Variants in ARHGEF3 observed in about 807,000 individuals in gnomAD.
ARHGEF3 encodes the protein Rho guanine nucleotide exchange factor 3.
Under a neutral mutation model 63.2 loss-of-function variants are expected in ARHGEF3, and 28 were observed. The ratio of observed to expected loss-of-function variants is 0.44; its 90% confidence interval spans 0.33 to 0.61. The LOEUF (loss-of-function observed/expected upper bound fraction) is 0.61, where lower values mean the gene tolerates loss of function less well. ARHGEF3 is among the 20% of genes least tolerant of loss of function. The pLI, the probability that ARHGEF3 is intolerant of heterozygous loss-of-function variation, is 0.03. For synonymous variants in ARHGEF3, 266 were observed against 254.2 expected (o/e 1.05, Z -0.44); for missense variants, 533 against 659.3 (o/e 0.81, Z 2.10).
intron 2 of ARHGEF3, among the ~76,000 whole-genome samples, chr3:56,980,447 C>T (rs1701283036): frequency 6.6e-6 from 1 of 152,194 alleles, no homozygotes; most frequent in African/African-American, 2.4e-5. Context: ...ATACGTGTCA[C>T]TCTCACACCA....
chr3:56,877,535 C>T (rs910645761), intron 4 of ARHGEF3, among the ~76,000 whole-genome samples: 2 of 151,998 alleles, frequency 1.3e-5, no homozygotes, highest in Non-Finnish European at 2.9e-5. Flanking sequence ...CCATACCTGG[C>T]TAATTTTTTA....
At chr3:56,893,408 G>C (rs2041188111) in intron 3 of ARHGEF3, among the ~76,000 whole-genome samples, 1 of 152,068 alleles carries the variant, frequency 6.6e-6, no homozygotes. Context: ...TGAACTCTTG[G>C]GCTCAAGTGA....
Position 56,775,288 on chromosome 3 carries a change from G to A in ARHGEF3, c.97-1472C>T, listed in dbSNP as rs190775305. 17 of 1,232,202 alleles carry A rather than the reference G, an allele frequency of 1.4e-5. No individual in the cohort carries two copies. In the Admixed American group the frequency reaches 6.7e-4, roughly 49 times the overall value. 76.3% of individuals were successfully genotyped at this position (1,232,202 alleles called of 1,614,324 possible). ...TGGAATCCTGCTGAGACACTCTCAT[G>A]TCATTTTATGCCCCTGCCAGTCTCA... On this transcript the variant is annotated intron_variant, in intron 1 of 9. Transcript: ENST00000296315.
In ARHGEF3 at chr3:56,745,415, G is replaced by A. The variant is rs34185780; in HGVS notation, c.660C>T (p.Ala220=). Reference sequence around the variant, plus strand: ...TTTTGTGGTCCAGCAGAGCTTTGGCGGCTACTTGATTGCTGCAGTAGCTAT... The same window carrying A: ...TTTTGTGGTCCAGCAGAGCTTTGGCAGCTACTTGATTGCTGCAGTAGCTAT... The part of the protein sequence containing the change: ...SYDSYCSNQV[A]AKALLDHKKQ... Residue 220 remains alanine (A), a synonymous_variant, in exon 7 of 10, where the codon GCC becomes GCT. Coordinates refer to ENST00000296315, the MANE Select transcript of ARHGEF3 (RefSeq NM_019555.3). 324 of 1,613,988 alleles carry A rather than the reference G, an allele frequency of 2.0e-4. 1 individual carries two copies. The African/African-American group carries it at 3.3e-3, about 17-fold the overall frequency.
intron 1 of ARHGEF3, among the ~76,000 whole-genome samples, chr3:57,068,753 C>A (rs116082788): frequency 6.6e-6 from 1 of 152,134 alleles, no homozygotes; most frequent in Non-Finnish European, 1.5e-5. Context: ...AACTGTGTAA[C>A]GTGCTTCCTT....
chr3:56,772,903 AC>A (rs1392168610), intron 2 of ARHGEF3, among the ~76,000 whole-genome samples: 1 of 152,164 alleles, frequency 6.6e-6, no homozygotes, highest in Non-Finnish European at 1.5e-5. Context: ...TATGGAAAAA[AC>A]ATTTTTTTAA....
chr3:56,772,898 A>T (rs1443083703), intron 2 of ARHGEF3, among the ~76,000 whole-genome samples: 1 of 152,156 alleles, frequency 6.6e-6, no homozygotes, highest in Non-Finnish European at 1.5e-5. Flanking sequence ...TGAAGTATGG[A>T]AAAAACATTT....
intron 2 of ARHGEF3, among the ~76,000 whole-genome samples, chr3:57,032,281 G>A (rs1057316750): frequency 6.6e-6 from 1 of 152,194 alleles, no homozygotes; most frequent in African/African-American, 2.4e-5. Context: ...ATATGCAGGA[G>A]CCCCTGTTCA....
intron 1 of ARHGEF3, among the ~76,000 whole-genome samples, chr3:57,041,960 G>A (rs1045848741): frequency 6.6e-6 from 1 of 152,152 alleles, no homozygotes. Flanking sequence ...CACCACCCCC[G>A]AGGGCTGATG....
intron 1 of ARHGEF3, among the ~76,000 whole-genome samples, chr3:56,792,996 T>A (rs911723345): frequency 2.3e-4 from 31 of 137,078 alleles, no homozygotes; most frequent in African/African-American, 8.8e-4. Flanking sequence ...CATTGGGTTT[T>A]TTTTTTTTTT....
At chr3:57,019,103 G>T (rs1198394408) in intron 2 of ARHGEF3, among the ~76,000 whole-genome samples, 1 of 152,170 alleles carries the variant, frequency 6.6e-6, no homozygotes, top group Admixed American at 6.5e-5. Context: ...CATAAACCAG[G>T]ACCATCCTCC....
intron 2 of ARHGEF3, among the ~76,000 whole-genome samples, chr3:57,015,039 C>T (rs530440702): frequency 1.1e-3 from 165 of 151,720 alleles, no homozygotes; most frequent in African/African-American, 3.3e-3. Context: ...AAAAGTCTGC[C>T]AACAACCTGA....
chr3:56,969,499 G>A (rs1195080105), intron 2 of ARHGEF3, among the ~76,000 whole-genome samples: 2 of 152,094 alleles, frequency 1.3e-5, no homozygotes, highest in Admixed American at 6.5e-5. Context: ...AGGGCCGGGC[G>A]CGGTGGCTCA....
At chr3:57,072,917 G>T (rs1045161126) in intron 1 of ARHGEF3, among the ~76,000 whole-genome samples, 18 of 150,952 alleles carry the variant, frequency 1.2e-4, no homozygotes, top group Admixed American at 6.6e-4. Flanking sequence ...GCAGTGGCAG[G>T]CGCCTGTAAT....
chr3:56,847,173 A>G (rs1035590428), intron 4 of ARHGEF3, among the ~76,000 whole-genome samples: 6 of 152,338 alleles, frequency 3.9e-5, no homozygotes, highest in African/African-American at 7.2e-5. Flanking sequence ...TCACCAAATC[A>G]TAAACTACAG....
intron 6 of ARHGEF3, among the ~76,000 whole-genome samples, chr3:56,749,490 T>A (rs113446253): frequency 3.3e-4 from 50 of 152,210 alleles, no homozygotes; most frequent in African/African-American, 1.2e-3. Flanking sequence ...AATTCTGGAG[T>A]GTGGCCTAAC....
At position 56,729,407 on chromosome 3, in the gene ARHGEF3, T is replaced by C. The variant is rs1414978230; in HGVS notation, c.1444A>G (p.Lys482Glu). ...TCCGATTGGTCCATCTGCTCAAGTTTTGTTTCTCCCTGTAGCTCTCTGCTC... is the reference window on the plus strand; with the variant it reads ...TCCGATTGGTCCATCTGCTCAAGTTCTGTTTCTCCCTGTAGCTCTCTGCTC... ...TGSRELQGET[K>E]LEQMDQSDSE... is the part of the protein sequence containing the mutation. Residue 482 changes from lysine (K) to glutamate (E), a missense_variant, in exon 10 of 10, where the codon AAA becomes GAA. Lys to Glu is a moderately conservative substitution (Grantham distance 56). Coordinates refer to ENST00000296315, the MANE Select transcript of ARHGEF3 (RefSeq NM_019555.3). 1.9e-6 allele frequency: 3 copies of C among 1,614,130 alleles called. No homozygotes were observed. The highest frequency in any genetic ancestry group is 2.5e-6 in the Non-Finnish European group (3 of 1,180,022).
chr3:56,921,140 G>A (rs182238918), intron 3 of ARHGEF3, among the ~76,000 whole-genome samples: 2 of 150,202 alleles, frequency 1.3e-5, no homozygotes, highest in Admixed American at 6.6e-5. Context: ...AGAGACATGA[G>A]GATGGCTTGA....
chr3:56,959,407 A>G (rs1025414306), intron 2 of ARHGEF3, among the ~76,000 whole-genome samples: 1 of 152,170 alleles, frequency 6.6e-6, no homozygotes, highest in Non-Finnish European at 1.5e-5. Context: ...ACCTCTCAAC[A>G]TGAATCAATT....
Sources: allele counts gnomAD v4.1 joint callset (sites outside exome capture counted in the v4.1 genomes callset), GRCh38; gene constraint gnomAD v4.1.1; transcripts MANE v1.5; gene names NCBI Gene and HGNC (gene_info 2026-07-23, HGNC 2026-07-21).